Variants in CLIP4 observed in about 807,000 individuals in gnomAD.
CLIP4 encodes CAP-Gly domain containing linker protein family member 4, also known as CAP-Gly domain-containing linker protein 4.
In CLIP4, 47 loss-of-function variants were observed where a neutral mutation model predicts 73.1. The observed-to-expected ratio is 0.64, with a 90% CI of 0.51 to 0.82. CLIP4 has a LOEUF of 0.82. CLIP4 is among the 40% of genes least tolerant of loss of function. The pLI, the probability that CLIP4 is intolerant of heterozygous loss-of-function variation, is 0.00. For missense variants in CLIP4, 874 were observed against 852.9 expected, an observed-to-expected ratio of 1.02 and a Z score of -0.31; for synonymous variants, 306 against 295.4, an observed-to-expected ratio of 1.04 and a Z score of -0.37.
chr2:29,159,758 T>G (rs1326373959), intron 11 of CLIP4, among the ~76,000 whole-genome samples: 1 of 151,798 alleles, frequency 6.6e-6, no homozygotes, highest in African/African-American at 2.4e-5. Flanking sequence ...AAGTGAACTA[T>G]TAATACTATA....
At chr2:29,152,901 T>A in intron 9 of CLIP4, 73 bp downstream of exon 9, 1 of 1,518,768 alleles carries the variant, frequency 6.6e-7, no homozygotes, top group Non-Finnish European at 8.9e-7. Context: ...AATATTTAGA[T>A]TGCTTCACTT....
intron 1 of CLIP4, among the ~76,000 whole-genome samples, chr2:29,101,785 G>A (rs1378700868): frequency 2.6e-5 from 4 of 152,112 alleles, no homozygotes; most frequent in African/African-American, 9.7e-5. Flanking sequence ...TTAGGATCTG[G>A]TTTTCCCAGG....
chr2:29,109,973 G>T (rs779264499), intron 1 of CLIP4, among the ~76,000 whole-genome samples: 1 of 152,080 alleles, frequency 6.6e-6, no homozygotes, highest in Non-Finnish European at 1.5e-5. Flanking sequence ...CAGGAGAATC[G>T]CTTGAACCGA....
At chr2:29,151,225 C>T (rs577943505) in intron 8 of CLIP4, among the ~76,000 whole-genome samples, 31 of 152,062 alleles carry the variant, frequency 2.0e-4, no homozygotes, top group East Asian at 7.7e-4. Context: ...AACCTTGTAA[C>T]GTTTGTCATA....
chr2:29,172,078 C>G (rs1180563897), intron 14 of CLIP4, among the ~76,000 whole-genome samples: 6 of 144,234 alleles, frequency 4.2e-5, no homozygotes, highest in Non-Finnish European at 7.5e-5. Flanking sequence ...GAATATGCTT[C>G]TTAGTAATTA....
Position 29,143,941 on chromosome 2 carries a change from A to T in CLIP4, c.881A>T (p.Gln294Leu), listed in dbSNP as rs900128948. ...KLGDRVVIAG[Q>L]KVGTLRFCGT... ...GGGGATCGTGTTGTTATTGCAGGAC[A>T]GAAGGTACAGTAAGTAACTGCAATC... Residue 294 changes from glutamine (Q) to leucine (L), a missense_variant, in exon 7 of 16, where the codon CAG (glutamine) becomes CTG (leucine). Gln to Leu is a moderately radical substitution (Grantham distance 113, BLOSUM62 -2). Coordinates refer to ENST00000320081, the MANE Select transcript of CLIP4 (RefSeq NM_024692.6). 2 of 1,613,606 alleles carry T rather than the reference A, an allele frequency of 1.2e-6. No individual in the cohort carries two copies. Among genetic ancestry groups the T allele is most frequent in the Non-Finnish European group, 8.5e-7 (1 of 1,179,608 alleles).
At chr2:29,176,255 T>C (rs1406023288) in intron 15 of CLIP4, among the ~76,000 whole-genome samples, 1 of 152,116 alleles carries the variant, frequency 6.6e-6, no homozygotes, top group Non-Finnish European at 1.5e-5. Context: ...CCAGAGTTGA[T>C]TGTGTGTTGT....
intron 12 of CLIP4, 141 bp downstream of exon 12, chr2:29,160,608 AATG>A: frequency 5.4e-6 from 5 of 923,190 alleles, no homozygotes; most frequent in South Asian, 1.8e-5. Context: ...GAAAATGTGA[AATG>A]ATGATGAAAA....
intron 6 of CLIP4, among the ~76,000 whole-genome samples, chr2:29,136,413 C>A (rs951970873): frequency 1.7e-4 from 26 of 151,992 alleles, no homozygotes; most frequent in Non-Finnish European, 4.4e-5. Flanking sequence ...CCCTTGATTA[C>A]CCCCCAACTT....
At chr2:29,138,643 A>T (rs1296355506) in intron 6 of CLIP4, among the ~76,000 whole-genome samples, 2 of 152,154 alleles carry the variant, frequency 1.3e-5, no homozygotes, top group East Asian at 3.8e-4. Context: ...GTCCATGAGC[A>T]TGGAGTGTTT....
intron 1 of CLIP4, among the ~76,000 whole-genome samples, chr2:29,107,565 A>G (rs143077907): frequency 0.023 from 3,520 of 151,156 alleles, 115 homozygotes; most frequent in East Asian, 0.09. Context: ...TAGTAGAGAC[A>G]GGGTTTCACC....
intron 7 of CLIP4, 146 bp downstream of exon 7, chr2:29,144,091 G>C (rs1665982910): frequency 1.4e-6 from 1 of 696,040 alleles, no homozygotes; most frequent in Non-Finnish European, 2.6e-6. Flanking sequence ...GTAAAACTTA[G>C]ATATGAATTT....
chr2:29,129,009 ATTTATC>A (rs1268824630), intron 2 of CLIP4, among the ~76,000 whole-genome samples: 13 of 152,138 alleles, frequency 8.5e-5, no homozygotes, highest in Admixed American at 8.5e-4. Context: ...ATGTTTCAGT[ATTTATC>A]TTATGTGGAC....
chr2:29,178,299 C>G (rs1372723429), intron 15 of CLIP4, among the ~76,000 whole-genome samples: 4 of 152,070 alleles, frequency 2.6e-5, no homozygotes, highest in African/African-American at 9.7e-5. Context: ...CCTGCCTCAG[C>G]CTCCTGAGTA....
chr2:29,144,745 A>G (rs1666028265), intron 7 of CLIP4, among the ~76,000 whole-genome samples: 1 of 149,790 alleles, frequency 6.7e-6, no homozygotes, highest in South Asian at 2.1e-4. Context: ...GGTATGGAGA[A>G]TGGAACAGGG....
At chr2:29,164,903 T>G (rs1019421303) in intron 13 of CLIP4, among the ~76,000 whole-genome samples, 12 of 152,254 alleles carry the variant, frequency 7.9e-5, no homozygotes, top group African/African-American at 2.9e-4. Flanking sequence ...TAACATACAA[T>G]ACTTTGTAGT....
Position 29,135,517 on chromosome 2 carries a change from T to G in CLIP4, c.530-31T>G, listed in dbSNP as rs765008156. 4.7e-6 allele frequency: 7 copies of G among 1,480,560 alleles called. No individual in the cohort carries two copies. The Admixed American group carries it at 1.3e-4, about 28-fold the overall frequency. 91.7% of individuals were successfully genotyped at this position (1,480,560 alleles called of 1,614,324 possible). ...ATTATGATAGCTAAGTTTAAACTTTTAGTTAATATACTTATGATGTTTAAT... is the reference window on the plus strand; with the variant it reads ...ATTATGATAGCTAAGTTTAAACTTTGAGTTAATATACTTATGATGTTTAAT... On this transcript the variant is annotated intron_variant, in intron 5 of 15. Coordinates refer to ENST00000320081, the MANE Select transcript of CLIP4 (RefSeq NM_024692.6).
At chr2:29,168,360 G>A (rs1173763733) in intron 14 of CLIP4, among the ~76,000 whole-genome samples, 2 of 151,796 alleles carry the variant, frequency 1.3e-5, no homozygotes, top group African/African-American at 4.8e-5. Flanking sequence ...TGTGTATTTT[G>A]GGAACATTTT....
At chr2:29,171,705 A>T (rs989771422) in intron 14 of CLIP4, among the ~76,000 whole-genome samples, 1 of 152,016 alleles carries the variant, frequency 6.6e-6, no homozygotes, top group Non-Finnish European at 1.5e-5. Context: ...TTTTTAGTAG[A>T]GACGGGTTTT....
Sources: gnomAD v4.1 joint callset for allele counts (sites outside exome capture counted in the v4.1 genomes callset) on GRCh38, gnomAD v4.1.1 for gene constraint, MANE v1.5 for transcripts, NCBI Gene and HGNC (gene_info 2026-07-23, HGNC 2026-07-21) for gene names.